CNOT2: variants seen among roughly 807,000 people sequenced by gnomAD.
CNOT2 encodes CC chemokine receptor 4-negative regulator of transcription 2.
CNOT2 carries 7 observed loss-of-function variants against 72.1 expected under a neutral mutation model. The ratio of observed to expected loss-of-function variants is 0.10; its 90% CI spans 0.06 to 0.18. The LOEUF (loss-of-function observed/expected upper bound fraction) is 0.18, where lower values mean the gene tolerates loss of function less well. CNOT2 is among the 10% of genes least tolerant of loss of function. The pLI, the probability that CNOT2 is intolerant of heterozygous loss-of-function variation, is 1.00. For synonymous variants in CNOT2, 196 were observed against 225.6 expected (o/e 0.87, Z 1.17); for missense variants, 345 against 660.3 (o/e 0.52, Z 5.23).
chr12:70,301,199 G>A (rs1364296091), intron 2 of CNOT2, among the ~76,000 whole-genome samples: 1 of 152,072 alleles, frequency 6.6e-6, no homozygotes, highest in African/African-American at 2.4e-5. Context: ...TTTCCTAATT[G>A]AATGCCCTTT....
At chr12:70,293,926 T>C (rs1872395081) in intron 2 of CNOT2, 1 of 239,212 alleles carries the variant, frequency 4.2e-6, no homozygotes, top group Non-Finnish European at 8.6e-6. Context: ...TTTTTTTTTT[T>C]TTTTTTTTTT....
At position 70,354,767 on chromosome 12, in the gene CNOT2, G is replaced by C. The variant is rs1409199827; in HGVS notation, c.*852G>C. 6.6e-6 allele frequency: 1 copy of C among 152,546 alleles called. No homozygotes were observed. Among genetic ancestry groups the C allele is most frequent in the Non-Finnish European group, 1.5e-5 (1 of 68,030 alleles). The allele number at this position is 152,546 out of a possible 1,614,324, so 9.4% of individuals were successfully genotyped here. ...AAAATGGGACATTCTGGAACTGCTG[G>C]TCAGGGGACTTTGTCGCCCTGTGCA... On this transcript the variant is annotated 3_prime_UTR_variant, in exon 16 of 16. Coordinates refer to ENST00000229195, the MANE Select transcript of CNOT2 (RefSeq NM_014515.7).
rs1879750908 is a variant in CNOT2, at chr12:70,330,424, G to C, written c.524G>C (p.Cys175Ser). Reference protein sequence around the residue: ...SPNRSSPSIICMPKQQPSRQP... With the variant: ...SPNRSSPSIISMPKQQPSRQP... ...AACAGAAGCTCGCCAAGCATAATAT[G>C]TATGCCAAAGCAGCAGCCTTCTCGA... The change falls in exon 6 of 16, where the codon TGT becomes TCT. Residue 175 changes from cysteine to serine, a missense_variant. Cys to Ser is a moderately radical substitution (Grantham distance 112). Transcript: ENST00000229195. 1 of 1,612,434 alleles carries C rather than the reference G, an allele frequency of 6.2e-7. No homozygotes were observed. Among genetic ancestry groups the C allele is most frequent in the South Asian group, 1.1e-5 (1 of 91,016 alleles).
intron 2 of CNOT2, chr12:70,298,009 G>T (rs1873124421): frequency 6.2e-6 from 1 of 162,444 alleles, no homozygotes. Context: ...AGTTGAGTGG[G>T]ATTACAGGCG....
chr12:70,328,197 A>G (rs936482171), intron 4 of CNOT2, among the ~76,000 whole-genome samples: 2 of 151,968 alleles, frequency 1.3e-5, no homozygotes, highest in South Asian at 2.1e-4. Context: ...GTTGAGAGGC[A>G]CAGTTAGTCT....
chr12:70,281,581 T>C (rs1174465049), intron 2 of CNOT2, among the ~76,000 whole-genome samples: 1 of 152,210 alleles, frequency 6.6e-6, no homozygotes, highest in Non-Finnish European at 1.5e-5. Flanking sequence ...GGTTTACTTA[T>C]ATTGGTTATT....
At position 70,335,693 on chromosome 12, in the gene CNOT2, G is replaced by A. The variant is rs1027546877; in HGVS notation, c.775+130G>A. 1.4e-5 allele frequency: 9 copies of A among 621,790 alleles called. No homozygotes were observed. The Admixed American group carries it at 2.6e-4, about 18-fold the overall frequency. The allele number at this position is 621,790 out of a possible 1,614,324, so 38.5% of individuals were successfully genotyped here. A position where few individuals can be genotyped will look rare whatever the true frequency, so the allele number is the denominator to read the frequency against. On this transcript the variant is annotated intron_variant, in intron 8 of 15. Transcript: ENST00000229195. The stretch of plus-strand genomic sequence containing the variant: ...ATGTTTGCATTTTCTAATCAGGTTA[G>A]TGTAATTTTTTCAGAATTGATATAT...
chr12:70,317,720 T>G (rs1156756556), intron 3 of CNOT2, among the ~76,000 whole-genome samples: 1 of 150,748 alleles, frequency 6.6e-6, no homozygotes, highest in African/African-American at 2.4e-5. Context: ...GTTACTGATG[T>G]GTACCATTGG....
chr12:70,299,449 C>T (rs1241061945), intron 2 of CNOT2, among the ~76,000 whole-genome samples: 1 of 147,362 alleles, frequency 6.8e-6, no homozygotes, highest in African/African-American at 2.5e-5. Flanking sequence ...GTTCAATTCC[C>T]ACCTATGAGT....
intron 2 of CNOT2, among the ~76,000 whole-genome samples, chr12:70,284,005 C>G (rs1004112641): frequency 5.5e-5 from 8 of 145,222 alleles, no homozygotes; most frequent in Non-Finnish European, 1.2e-4. Flanking sequence ...GGCGCGATCG[C>G]TGGAGTGCTC....
chr12:70,269,037 T>C (rs569009185), intron 1 of CNOT2, among the ~76,000 whole-genome samples: 13 of 152,240 alleles, frequency 8.5e-5, no homozygotes, highest in Non-Finnish European at 1.6e-4. Flanking sequence ...ATAATTTATG[T>C]CTTTCCCTAA....
rs577876417 is a variant in CNOT2, at chr12:70,346,496, A to T, written c.1536+172A>T. ...ACTCTTAGAAGAGTGTCCCAAAACA[A>T]TTGGTTTCACTGATAGTTACATTAT... On this transcript the variant is annotated intron_variant, in intron 15 of 15. Coordinates refer to ENST00000229195, the MANE Select transcript of CNOT2 (RefSeq NM_014515.7). 5.9e-4 allele frequency: 276 copies of T among 468,448 alleles called. 1 individual carries two copies. Among genetic ancestry groups the T allele is most frequent in the African/African-American group, 4.8e-3 (240 of 50,464 alleles). 29.0% of individuals were successfully genotyped at this position (468,448 alleles called of 1,614,324 possible).
chr12:70,309,278 T>C lies in CNOT2; in HGVS notation c.49-1617T>C, dbSNP rs577254932. On this transcript the variant is annotated intron_variant, in intron 2 of 15. Coordinates refer to ENST00000229195, the MANE Select transcript of CNOT2 (RefSeq NM_014515.7). ...ATTGTTAGACCCTTAAAAAATATCT[T>C]TGTATATTTCACACCTCAAGCGATT... Among the ~76,000 whole-genome samples, 7 of 152,274 alleles carry C rather than the reference T, an allele frequency of 4.6e-5. No individual in the cohort carries two copies. In the South Asian group the frequency reaches 1.5e-3, roughly 32 times the overall value.
intron 1 of CNOT2, among the ~76,000 whole-genome samples, chr12:70,246,266 A>G (rs1372320961): frequency 6.6e-6 from 1 of 152,188 alleles, no homozygotes; most frequent in African/African-American, 2.4e-5. Flanking sequence ...TTGGGATCAC[A>G]TATTTGAAGG....
intron 3 of CNOT2, among the ~76,000 whole-genome samples, chr12:70,314,794 A>G (rs78991337): frequency 0.045 from 6,848 of 152,004 alleles, 665 homozygotes; most frequent in East Asian, 0.44. Context: ...TGACTATTTT[A>G]TTTTACTGTC....
At chr12:70,259,444 C>T (rs1448398729) in intron 1 of CNOT2, among the ~76,000 whole-genome samples, 2 of 152,100 alleles carry the variant, frequency 1.3e-5, no homozygotes, top group Non-Finnish European at 2.9e-5. Flanking sequence ...CAAATTTATA[C>T]ACCCGTTTAA....
At chr12:70,278,059 TTGAA>T in intron 1 of CNOT2, 69 bp from the exon 2 acceptor site, 1 of 518,652 alleles carries the variant, frequency 1.9e-6, no homozygotes, top group Non-Finnish European at 3.5e-6. Context: ...GTGTATCATA[TTGAA>T]TATTTTTGCT....
chr12:70,354,553 G>A lies in CNOT2; in HGVS notation c.*638G>A, dbSNP rs796864299. On this transcript the variant is annotated 3_prime_UTR_variant, in exon 16 of 16. Coordinates refer to ENST00000229195, the MANE Select transcript of CNOT2 (RefSeq NM_014515.7). ...ACTGAGCTTCATCTTTCCAGAATGA[G>A]CAAAACACTGTCCAGTCTTTGTTAC... 11 of 152,742 alleles carry A rather than the reference G, an allele frequency of 7.2e-5. No individual in the cohort carries two copies. Among genetic ancestry groups the A allele is most frequent in the African/African-American group, 2.4e-4 (10 of 41,564 alleles). The allele number at this position is 152,742 out of a possible 1,614,324, so 9.5% of individuals were successfully genotyped here. A position where few individuals can be genotyped will look rare whatever the true frequency, so the allele number is the denominator to read the frequency against.
chr12:70,353,790 A>C, intron 15 of CNOT2, 39 bp from the exon 16 acceptor site: 1 of 1,594,670 alleles, frequency 6.3e-7, no homozygotes, highest in Non-Finnish European at 8.5e-7. Flanking sequence ...GTAAAATGAA[A>C]AGGGGAAGAT....
Sources: allele counts gnomAD v4.1 joint callset (sites outside exome capture counted in the v4.1 genomes callset), GRCh38; gene constraint gnomAD v4.1.1; transcripts MANE v1.5; gene names NCBI Gene and HGNC (gene_info 2026-07-23, HGNC 2026-07-21).